Variants in FMO5 observed in about 807,000 individuals in gnomAD.
The protein encoded by FMO5 is flavin-containing monooxygenase 5.
Under a neutral mutation model 43.6 loss-of-function variants are expected in FMO5, and 51 were observed. The observed-to-expected ratio is 1.17, with a 90% CI of 0.93 to 1.48. FMO5 has a LOEUF of 1.48. Among genes scored for constraint, FMO5 ranks in the 40% most tolerant of loss-of-function variants. FMO5 has a pLI of 0.00. For synonymous variants in FMO5, 187 were observed against 216.5 expected, an observed-to-expected ratio of 0.86 and a Z score of 1.20; for missense variants, 644 against 643.0, an observed-to-expected ratio of 1.00 and a Z score of -0.02.
chr1:147,209,027 C>T lies in FMO5; in HGVS notation c.655G>A (p.Ala219Thr), dbSNP rs782011777. Residue 219 changes from alanine to threonine, a missense_variant, in exon 6 of 9, where the codon GCT (alanine) becomes ACT (threonine). Transcript: ENST00000254090. Reference protein sequence around the residue: ...KQVFLSTRRGAWILNRVGDYG... With the variant: ...KQVFLSTRRGTWILNRVGDYG... ...TCCCCTACACGATTCAGGATCCAAGCCCCTCTCCTGGTGCTGAGGAAAACC... is the reference window on the plus strand; with the variant it reads ...TCCCCTACACGATTCAGGATCCAAGTCCCTCTCCTGGTGCTGAGGAAAACC... 3.1e-6 allele frequency: 5 copies of T among 1,613,986 alleles called. No individual in the cohort carries two copies. In the African/African-American group the frequency reaches 6.7e-5, roughly 22 times the overall value.
chr1:147,200,818 A>G (rs1300062834), intron 7 of FMO5, among the ~76,000 whole-genome samples: 2 of 152,316 alleles, frequency 1.3e-5, no homozygotes, highest in Admixed American at 6.5e-5. Context: ...TAAAATCTAG[A>G]TGAGTAAATT....
At chr1:147,184,407 A>G, downstream of FMO5, 1 of 1,321,230 alleles carries the variant, frequency 7.6e-7, no homozygotes, top group Non-Finnish European at 9.8e-7. The surrounding 1 kb of genome is among the most constrained non-coding windows in gnomAD (Gnocchi z 4.4). Context: ...CAAAATGCAT[A>G]CTTTATTAAT....
intron 6 of FMO5, among the ~76,000 whole-genome samples, chr1:147,207,974 C>G (rs182948930): frequency 2.0e-4 from 30 of 152,300 alleles, no homozygotes; most frequent in Non-Finnish European, 3.7e-4. Context: ...AATCTGTCAG[C>G]TTCTTTCTTC....
At chr1:147,204,226 A>G (rs1022366219) in intron 6 of FMO5, 13 of 1,374,676 alleles carry the variant, frequency 9.5e-6, no homozygotes, top group Middle Eastern at 3.5e-4. Flanking sequence ...CTATTTTTGC[A>G]TCTTTGACAG....
intron 7 of FMO5, among the ~76,000 whole-genome samples, chr1:147,198,872 A>AAAAAAAAAAAAAAAAAAG (rs1553920319): frequency 6.9e-6 from 1 of 144,594 alleles, no homozygotes; most frequent in African/African-American, 2.6e-5. Flanking sequence ...AAAAAAAAAA[A>AAAAAAAAAAAAAAAAAAG]AAAGAAAGAA....
intron 7 of FMO5, among the ~76,000 whole-genome samples, chr1:147,198,694 C>A (rs587608282): frequency 4.6e-4 from 69 of 151,466 alleles, no homozygotes; most frequent in Admixed American, 1.8e-3. Context: ...ATTAAAAACA[C>A]AAAAAAACTA....
rs782616812 is a variant in FMO5 at position 147,190,232 on chromosome 1, AG to A, written c.1200del (p.Ser401HisfsTer5). 5.0e-6 allele frequency: 8 copies of A among 1,610,320 alleles called. No individual in the cohort carries two copies. The African/African-American group carries it at 9.4e-5, about 19-fold the overall frequency. On this transcript the variant is annotated frameshift_variant, in exon 8 of 9. Transcript: ENST00000254090. LOFTEE classifies it high-confidence loss of function. ...ATTTCTGCCATCATTTCACTCTGTG[AG>A]GGCAATGTCTTTAGACCTAAAAACA... ...TQVFKGLKTL[P>X]SQSEMMAEIS...
chr1:147,222,167 C>T (rs1291065328), intron 2 of FMO5, among the ~76,000 whole-genome samples: 3 of 152,040 alleles, frequency 2.0e-5, no homozygotes, highest in Non-Finnish European at 2.9e-5. Flanking sequence ...GTGAGGAGTT[C>T]GAGAATAGCC....
chr1:147,219,041 T>C (rs1296335689), intron 2 of FMO5, among the ~76,000 whole-genome samples: 1 of 152,178 alleles, frequency 6.6e-6, no homozygotes, highest in Admixed American at 6.5e-5. Context: ...TTTAAATCTC[T>C]ATTATCAGGA....
chr1:147,203,513 C>T, intron 6 of FMO5: 2 of 873,784 alleles, frequency 2.3e-6, no homozygotes, highest in South Asian at 1.3e-5. Context: ...TCTTGAGGTA[C>T]TGCATAAAGT....
intron 8 of FMO5, among the ~76,000 whole-genome samples, chr1:147,188,637 A>G (rs1375141522): frequency 2.0e-5 from 3 of 151,796 alleles, no homozygotes; most frequent in African/African-American, 7.3e-5. Flanking sequence ...AACAATGTAT[A>G]CACATAGTCG....
intron 7 of FMO5, among the ~76,000 whole-genome samples, 157 bp from the exon 8 acceptor site, chr1:147,190,406 C>T (rs1656486708): frequency 6.6e-6 from 1 of 152,176 alleles, no homozygotes; most frequent in Non-Finnish European, 1.5e-5. Flanking sequence ...ACCACCACCA[C>T]AATATAATAT....
upstream of FMO5, among the ~76,000 whole-genome samples, chr1:147,226,817 A>C (rs1553927947): frequency 6.8e-6 from 1 of 147,176 alleles, no homozygotes; most frequent in Non-Finnish European, 1.5e-5. Flanking sequence ...ATTAACATTA[A>C]TGTGTTTTGG....
chr1:147,226,285 G>C (rs1445173410), upstream of FMO5, among the ~76,000 whole-genome samples: 9 of 150,428 alleles, frequency 6.0e-5, no homozygotes, highest in East Asian at 5.9e-4. Flanking sequence ...CTGGATCTAA[G>C]AATCTACACT....
chr1:147,203,761 T>C (rs782134444), intron 6 of FMO5: 89 of 1,530,818 alleles, frequency 5.8e-5, no homozygotes, highest in Non-Finnish European at 7.9e-5. Flanking sequence ...CATCATCTAC[T>C]GCCCTTTCTA....
chr1:147,189,404 G>A (rs1656268923), intron 8 of FMO5, among the ~76,000 whole-genome samples: 1 of 152,060 alleles, frequency 6.6e-6, no homozygotes, highest in South Asian at 2.1e-4. Flanking sequence ...AGGAAAATAG[G>A]AGAGCACCTG....
chr1:147,203,271 A>G, intron 6 of FMO5: 4 of 1,555,122 alleles, frequency 2.6e-6, no homozygotes, highest in South Asian at 1.2e-5. Context: ...AATTAAGCCA[A>G]TTTCAATCAT....
chr1:147,184,364 C>A, downstream of FMO5: 1 of 1,011,012 alleles, frequency 9.9e-7, no homozygotes, highest in Non-Finnish European at 1.3e-6. The surrounding 1 kb of genome is among the most constrained non-coding windows in gnomAD (Gnocchi z 4.4). Context: ...ACATTTGTCA[C>A]AACTAATAAA....
chr1:147,192,937 C>T (rs1657172959), intron 7 of FMO5, among the ~76,000 whole-genome samples: 3 of 152,138 alleles, frequency 2.0e-5, no homozygotes, highest in Non-Finnish European at 2.9e-5. Flanking sequence ...AGGATTTTTG[C>T]ATCAATGTTC....
Sources: allele counts gnomAD v4.1 joint callset (sites outside exome capture counted in the v4.1 genomes callset), GRCh38; gene constraint gnomAD v4.1.1; non-coding constraint Gnocchi (gnomAD v3.1); transcripts MANE v1.5; gene names NCBI Gene and HGNC (gene_info 2026-07-23, HGNC 2026-07-21).